CNTNAP2: variants seen among roughly 807,000 people sequenced by gnomAD.
The protein encoded by CNTNAP2 is contactin associated protein 2.
CNTNAP2 carries 98 observed loss-of-function variants against 155.2 expected under a neutral mutation model. The ratio of observed to expected loss-of-function variants is 0.63; its 90% CI spans 0.54 to 0.75. CNTNAP2 has a LOEUF of 0.75. CNTNAP2 is among the 30% of genes least tolerant of loss of function. The pLI is 0.00. For missense variants in CNTNAP2, 1,727 were observed against 1,688.1 expected, an observed-to-expected ratio of 1.02 and a Z score of -0.40; for synonymous variants, 651 against 631.2, an observed-to-expected ratio of 1.03 and a Z score of -0.47.
intron 1 of CNTNAP2, among the ~76,000 whole-genome samples, chr7:146,144,293 A>ACTTGAGG (rs1562966629): frequency 6.6e-6 from 1 of 151,952 alleles, no homozygotes; most frequent in Non-Finnish European, 1.5e-5. Flanking sequence ...CTGGAACCAC[A>ACTTGAGG]GGTGCGCACC....
rs576423941 is a variant in CNTNAP2 at position 148,034,861 on chromosome 7, T to C, written c.2383+56872T>C. On this transcript the variant is annotated intron_variant, in intron 15 of 23. Transcript: ENST00000361727. ...TGTGATCAGAATGTTGGTAGAAATA[T>C]GGACAATAAAGGGCATTCTGATGAA... Among the ~76,000 whole-genome samples the C allele has an allele frequency of 2.0e-4, 30 of 152,270 alleles. No homozygotes were observed. In the South Asian group the frequency reaches 6.2e-3, roughly 32 times the overall value.
At chr7:146,378,623 T>C (rs941056627) in intron 1 of CNTNAP2, among the ~76,000 whole-genome samples, 20 of 152,174 alleles carry the variant, frequency 1.3e-4, no homozygotes, top group Non-Finnish European at 2.6e-4. Context: ...AAGCCAGCAT[T>C]TAACCACTAT....
chr7:148,066,280 A>G (rs1281843519), intron 15 of CNTNAP2, among the ~76,000 whole-genome samples: 1 of 152,130 alleles, frequency 6.6e-6, no homozygotes, highest in East Asian at 1.9e-4. Context: ...TCTTTTTGTG[A>G]TGAATTTCCC....
chr7:148,116,114 G>A (rs1419725648), intron 15 of CNTNAP2, among the ~76,000 whole-genome samples: 8 of 151,204 alleles, frequency 5.3e-5, no homozygotes, highest in Non-Finnish European at 4.4e-5. Context: ...ACTCCATCCT[G>A]GGCCACAGAG....
intron 1 of CNTNAP2, among the ~76,000 whole-genome samples, chr7:146,674,774 G>A (rs963549236): frequency 6.6e-6 from 1 of 152,178 alleles, no homozygotes; most frequent in African/African-American, 2.4e-5. Context: ...GGTGGCCGGA[G>A]TAGGTTGTGG....
intron 15 of CNTNAP2, among the ~76,000 whole-genome samples, chr7:148,111,987 G>A (rs765373278): frequency 6.6e-6 from 1 of 152,206 alleles, no homozygotes; most frequent in Non-Finnish European, 1.5e-5. Context: ...GGAAGTCCCT[G>A]CACTAATGGC....
chr7:147,424,485 A>T (rs1176782563), intron 10 of CNTNAP2, among the ~76,000 whole-genome samples: 1 of 151,896 alleles, frequency 6.6e-6, no homozygotes, highest in African/African-American at 2.4e-5. Context: ...CTCCTACTAA[A>T]CCTACTGTTC....
intron 15 of CNTNAP2, among the ~76,000 whole-genome samples, chr7:148,103,053 G>T (rs1275702043): frequency 6.6e-6 from 1 of 152,194 alleles, no homozygotes. Flanking sequence ...TCATAGGTAG[G>T]TAAGAGACAA....
chr7:148,407,703 T>TAAAAAAAA (rs57666141), intron 22 of CNTNAP2, among the ~76,000 whole-genome samples: 180 of 93,062 alleles, frequency 1.9e-3, no homozygotes, highest in South Asian at 3.8e-3. Context: ...GACCAAATCT[T>TAAAAAAAA]AAAAAAAAAA....
chr7:146,480,046 A>G (rs1025343964), intron 1 of CNTNAP2, among the ~76,000 whole-genome samples: 5 of 152,124 alleles, frequency 3.3e-5, no homozygotes, highest in Admixed American at 2.6e-4. Context: ...CGACCTCCCA[A>G]AATGCTGGGA....
At chr7:147,440,505 T>C (rs1797619694) in intron 10 of CNTNAP2, among the ~76,000 whole-genome samples, 1 of 152,170 alleles carries the variant, frequency 6.6e-6, no homozygotes, top group South Asian at 2.1e-4. Context: ...AAGTAGTTTA[T>C]ACATCATGGT....
intron 22 of CNTNAP2, among the ~76,000 whole-genome samples, chr7:148,384,130 G>A (rs542783052): frequency 1.8e-3 from 269 of 152,318 alleles, no homozygotes; most frequent in Non-Finnish European, 2.8e-3. Context: ...CTTCAATTAG[G>A]TTAAATGATG....
At chr7:147,973,160 T>TAAAAAAAAAAAAAAAAAAAAAAAA (rs35756000) in intron 14 of CNTNAP2, among the ~76,000 whole-genome samples, 1 of 120,836 alleles carries the variant, frequency 8.3e-6, no homozygotes, top group African/African-American at 3.5e-5. Flanking sequence ...TCTCTAAAAT[T>TAAAAAAAAAAAAAAAAAAAAAAAA]AAAAAAAAAA....
intron 1 of CNTNAP2, among the ~76,000 whole-genome samples, chr7:146,731,398 TG>T (rs1240341639): frequency 6.6e-6 from 1 of 151,654 alleles, no homozygotes; most frequent in Non-Finnish European, 1.5e-5. Flanking sequence ...TTTTAATATT[TG>T]CTTAATATTT....
At chr7:146,545,979 A>G (rs1238852880) in intron 1 of CNTNAP2, among the ~76,000 whole-genome samples, 1 of 152,006 alleles carries the variant, frequency 6.6e-6, no homozygotes, top group African/African-American at 2.4e-5. Context: ...ACAATGGATC[A>G]TGATATATTC....
intron 1 of CNTNAP2, among the ~76,000 whole-genome samples, chr7:146,343,939 A>G (rs914434435): frequency 2.0e-5 from 3 of 152,172 alleles, no homozygotes; most frequent in African/African-American, 4.8e-5. Context: ...GAAATTATGA[A>G]CAATATAAAT....
chr7:148,204,949 A>T (rs1416347185), intron 18 of CNTNAP2, among the ~76,000 whole-genome samples: 2 of 152,204 alleles, frequency 1.3e-5, no homozygotes, highest in Non-Finnish European at 2.9e-5. Context: ...CTGTTGAGTA[A>T]TTAGGTTAAA....
At chr7:147,106,208 G>T (rs1800762316) in intron 4 of CNTNAP2, among the ~76,000 whole-genome samples, 1 of 152,046 alleles carries the variant, frequency 6.6e-6, no homozygotes. Context: ...AACTGTCACT[G>T]ATAGGAAATT....
intron 8 of CNTNAP2, among the ~76,000 whole-genome samples, chr7:147,190,380 A>T (rs914154703): frequency 6.6e-6 from 1 of 152,224 alleles, no homozygotes; most frequent in African/African-American, 2.4e-5. Context: ...TTCAGAAAGC[A>T]AAAGAGAAAT....
Sources: allele counts gnomAD v4.1 joint callset (sites outside exome capture counted in the v4.1 genomes callset), GRCh38; gene constraint gnomAD v4.1.1; transcripts MANE v1.5; gene names NCBI Gene and HGNC (gene_info 2026-07-23, HGNC 2026-07-21).